Variants in HERC2 observed in about 807,000 individuals in gnomAD.
HERC2 encodes the protein HECT and RLD domain containing E3 ubiquitin protein ligase 2.
A neutral mutation model predicts 537.7 loss-of-function variants in HERC2; 102 were observed. The observed-to-expected ratio is 0.19, with a 90% CI of 0.16 to 0.22. HERC2 has a LOEUF of 0.22. Ranked by LOEUF, HERC2 falls within the 10% of genes least tolerant of loss-of-function variation. The pLI is 1.00. For missense variants in HERC2, 4,236 were observed against 6,198.2 expected (o/e 0.68, Z 10.63); for synonymous variants, 2,224 against 2,466.2 (o/e 0.90, Z 2.91).
rs59673075 is a variant in HERC2 at position 28,272,227 on chromosome 15, C to T, written c.1071G>A (p.Glu357=). The change falls in exon 9 of 93, where the codon GAG becomes GAA. Residue 357 remains glutamate, a synonymous_variant. Coordinates refer to ENST00000261609, the MANE Select transcript of HERC2 (RefSeq NM_004667.6). ...IICRKDAPHS[E]GDMHLLSGPL... ...TCATGACACTCACGTGCATGTCGCC[C>T]TCGGAGTGGGGTGCATCCTTCCTGC... 3.1e-6 allele frequency: 5 copies of T among 1,601,240 alleles called. No homozygotes were observed. In the East Asian group the frequency reaches 6.7e-5, roughly 21 times the overall value.
rs146224816 is a variant in HERC2 at position 28,165,673 on chromosome 15, G to A, written c.10554+2014C>T. On this transcript the variant is annotated intron_variant, in intron 68 of 92. Coordinates refer to ENST00000261609, the MANE Select transcript of HERC2 (RefSeq NM_004667.6). Reference sequence around the variant, plus strand: ...AATACAAAAATTAGCCAGGTATGGTGGTGCATGCTTGTAGTTCCAGCTACT... The same window carrying A: ...AATACAAAAATTAGCCAGGTATGGTAGTGCATGCTTGTAGTTCCAGCTACT... Among the ~76,000 whole-genome samples the A allele has an allele frequency of 1.1e-3, 169 of 152,084 alleles. 2 individuals are homozygous for A. The highest frequency in any genetic ancestry group is 6.8e-3 in the Middle Eastern group (2 of 294).
chr15:28,307,716 A>AT (rs1188855693), intron 2 of HERC2, among the ~76,000 whole-genome samples: 4 of 152,148 alleles, frequency 2.6e-5, no homozygotes, highest in East Asian at 1.9e-4. Context: ...ACTTAACATA[A>AT]TTTTTTTAAC....
At chr15:28,188,100 A>T (rs1323299498) in intron 55 of HERC2, among the ~76,000 whole-genome samples, 1 of 152,020 alleles carries the variant, frequency 6.6e-6, no homozygotes, top group Non-Finnish European at 1.5e-5. Flanking sequence ...ACAATTACTC[A>T]GTTTTTTTTT....
At chr15:28,187,536 T>C (rs549540981) in intron 55 of HERC2, among the ~76,000 whole-genome samples, 2 of 152,142 alleles carry the variant, frequency 1.3e-5, no homozygotes, top group Non-Finnish European at 2.9e-5. Context: ...TTTCACCATG[T>C]TGGCTAGGCT....
At chr15:28,206,604 C>T (rs576570417) in intron 44 of HERC2, among the ~76,000 whole-genome samples, 13 of 151,686 alleles carry the variant, frequency 8.6e-5, no homozygotes, top group East Asian at 3.9e-4. Flanking sequence ...GAGGCCAAGG[C>T]GGGTGGATCA....
chr15:28,229,625 T>C, intron 32 of HERC2, 29 bp from the exon 33 acceptor site: 1 of 1,596,712 alleles, frequency 6.3e-7, no homozygotes, highest in Non-Finnish European at 8.6e-7. Context: ...TACAGTTAAG[T>C]GTTATGTATA....
intron 48 of HERC2, among the ~76,000 whole-genome samples, chr15:28,200,422 C>T (rs1398259597): frequency 6.6e-6 from 1 of 151,916 alleles, no homozygotes; most frequent in African/African-American, 2.4e-5. Flanking sequence ...AAAAGGTAGC[C>T]ACCTACAAGC....
chr15:28,156,826 T>C (rs539509607), intron 69 of HERC2, among the ~76,000 whole-genome samples: 1 of 152,342 alleles, frequency 6.6e-6, no homozygotes, highest in South Asian at 2.1e-4. Context: ...CCCTGTCTTG[T>C]GCCAGTTTTC....
intron 56 of HERC2, among the ~76,000 whole-genome samples, chr15:28,185,765 G>C (rs909094400): frequency 6.6e-6 from 1 of 152,308 alleles, no homozygotes; most frequent in Non-Finnish European, 1.5e-5. Context: ...TGTCCTGACA[G>C]ATCAATGCTC....
chr15:28,317,504 G>C (rs553925881), intron 2 of HERC2, among the ~76,000 whole-genome samples: 2 of 152,234 alleles, frequency 1.3e-5, no homozygotes, highest in Non-Finnish European at 2.9e-5. Context: ...TTTAGCTACT[G>C]ATATACTCAA....
rs761704767 is a variant in HERC2 at position 28,130,221 on chromosome 15, C to G, written c.12744G>C (p.Gly4248=). ...RRPRQVQGLQ[G]KKVIAIATGS... is the part of the protein sequence containing the mutation. ...CAGTGGCGATGGCGATGACTTTCTTCCCCTGCAACCCTTGGACCTGCCGAG... is the reference window on the plus strand; with the variant it reads ...CAGTGGCGATGGCGATGACTTTCTTGCCCTGCAACCCTTGGACCTGCCGAG... The change falls in exon 83 of 93, where the codon GGG becomes GGC. Residue 4248 remains glycine, a synonymous_variant. Coordinates refer to ENST00000261609, the MANE Select transcript of HERC2 (RefSeq NM_004667.6). The G allele has an allele frequency of 5.6e-6, 9 of 1,614,090 alleles. No individual in the cohort carries two copies. In the Admixed American group the frequency reaches 8.3e-5, roughly 15 times the overall value.
At chr15:28,231,761 C>G (rs1348069868) in intron 30 of HERC2, among the ~76,000 whole-genome samples, 8 of 151,992 alleles carry the variant, frequency 5.3e-5, no homozygotes, top group African/African-American at 1.9e-4. Context: ...AATCATCAAG[C>G]CTGAGAGAAG....
At chr15:28,141,908 C>A in intron 76 of HERC2, 62 bp from the exon 77 acceptor site, 1 of 1,253,510 alleles carries the variant, frequency 8.0e-7, no homozygotes, top group Admixed American at 1.8e-5. Flanking sequence ...TAGATAAATA[C>A]TAAGGAAAGA....
At chr15:28,297,061 G>A (rs1421272682) in intron 3 of HERC2, among the ~76,000 whole-genome samples, 1 of 152,250 alleles carries the variant, frequency 6.6e-6, no homozygotes, top group Non-Finnish European at 1.5e-5. Context: ...CCTAATGAAT[G>A]AAACCTCACC....
At chr15:28,316,032 A>G (rs2077072980) in intron 2 of HERC2, 3 of 330,550 alleles carry the variant, frequency 9.1e-6, no homozygotes, top group Admixed American at 4.2e-5. Flanking sequence ...TGTAACAACC[A>G]TATAATAAAT....
chr15:28,194,602 A>G (rs1456308010), intron 52 of HERC2, among the ~76,000 whole-genome samples: 1 of 151,592 alleles, frequency 6.6e-6, no homozygotes, highest in African/African-American at 2.4e-5. Flanking sequence ...AAACAAAAAA[A>G]CAGGCATGAG....
intron 7 of HERC2, among the ~76,000 whole-genome samples, chr15:28,273,659 C>T (rs968631154): frequency 3.9e-5 from 6 of 152,192 alleles, no homozygotes; most frequent in Non-Finnish European, 5.9e-5. Context: ...GGGACGCAAA[C>T]GCCAAAGGCC....
Position 28,175,370 on chromosome 15 carries a change from C to T in HERC2, c.9831+142G>A. 5 of 838,528 alleles carry T rather than the reference C, an allele frequency of 6.0e-6. No homozygotes were observed. In the Admixed American group the frequency reaches 1.1e-4, roughly 19 times the overall value. 51.9% of individuals were successfully genotyped at this position (838,528 alleles called of 1,614,324 possible). A position where few individuals can be genotyped will look rare whatever the true frequency, so the allele number is the denominator to read the frequency against. ...ACACCAGTGGGCAAAAGGAACAGGA[C>T]CCGCCCTCATGGTTCTCCAAGCAGT... On this transcript the variant is annotated intron_variant, in intron 64 of 92. Transcript: ENST00000261609.
At chr15:28,142,140 C>A (rs1257614689) in intron 76 of HERC2, 98 bp downstream of exon 76, 1 of 1,398,140 alleles carries the variant, frequency 7.2e-7, no homozygotes, top group Non-Finnish European at 9.7e-7. Flanking sequence ...CCTTGGCAAG[C>A]GAAATTTTTC....
Sources: allele counts gnomAD v4.1 joint callset (sites outside exome capture counted in the v4.1 genomes callset), GRCh38; gene constraint gnomAD v4.1.1; transcripts MANE v1.5; gene names NCBI Gene and HGNC (gene_info 2026-07-23, HGNC 2026-07-21).